The following EFCAB8 variants were observed in gnomAD, a reference collection of about 807,000 sequenced individuals.
EFCAB8 encodes EF-hand calcium binding domain 8.
Under a neutral mutation model 116.3 loss-of-function variants are expected in EFCAB8, and 100 were observed. That is an observed-to-expected ratio of 0.86 (90% CI 0.73 to 1.02). EFCAB8 has a LOEUF of 1.02. Among genes scored for constraint, EFCAB8 ranks in the 50% least tolerant of loss-of-function variants. The pLI, the probability that EFCAB8 is intolerant of heterozygous loss-of-function variation, is 0.00. For synonymous variants in EFCAB8, 558 were observed against 567.9 expected (o/e 0.98, Z 0.25); for missense variants, 1,320 against 1,416.9 (o/e 0.93, Z 1.10).
intron 7 of EFCAB8, among the ~76,000 whole-genome samples, 199 bp from the exon 8 acceptor site, chr20:32,892,014 A>T (rs575603106): frequency 5.3e-5 from 8 of 151,958 alleles, no homozygotes; most frequent in Admixed American, 3.3e-4. Context: ...TTCCAGCTGC[A>T]GTTGGAAGCC....
intron 22 of EFCAB8, among the ~76,000 whole-genome samples, chr20:32,935,970 G>T: frequency 6.6e-6 from 1 of 151,786 alleles, no homozygotes; most frequent in South Asian, 2.1e-4. Context: ...CTGTCCAAAA[G>T]CTTTGTATCT....
rs764711449 is a variant in EFCAB8, at chr20:32,960,119, G to A, written c.3351G>A (p.Arg1117=). ...CCAAGGAACGCTTGCAGAATACCAG[G>A]TTCCTGTCCACCAGGGTGCCATATG... ...YKPKERLQNT[R]FLSTRVPYGW... The change falls in exon 26 of 27, where the codon AGG becomes AGA. Residue 1117 remains arginine, a synonymous_variant. Coordinates refer to ENST00000400522, the MANE Select transcript of EFCAB8 (RefSeq NM_001143967.2). 1.3e-6 allele frequency: 2 copies of A among 1,551,716 alleles called. No homozygotes were observed. The highest frequency in any genetic ancestry group is 2.0e-5 in the Admixed American group (1 of 51,010).
intron 11 of EFCAB8, among the ~76,000 whole-genome samples, chr20:32,903,913 C>G (rs890591869): frequency 1.3e-5 from 2 of 152,128 alleles, no homozygotes; most frequent in Non-Finnish European, 2.9e-5. Flanking sequence ...GGCTTAGGCC[C>G]CCCGGGAGTG....
chr20:32,931,393 C>G (rs558726586), intron 22 of EFCAB8, 57 bp downstream of exon 22: 1 of 1,457,612 alleles, frequency 6.9e-7, no homozygotes, highest in East Asian at 2.5e-5. Flanking sequence ...CACAAATGAG[C>G]TAGGACCATA....
chr20:32,899,845 A>G (rs1451815385), intron 11 of EFCAB8, among the ~76,000 whole-genome samples: 1 of 152,022 alleles, frequency 6.6e-6, no homozygotes, highest in African/African-American at 2.4e-5. Flanking sequence ...AAGTGCTGGG[A>G]TTGCAGGCAC....
intron 22 of EFCAB8, among the ~76,000 whole-genome samples, chr20:32,942,020 T>C (rs1045986771): frequency 6.6e-6 from 1 of 152,194 alleles, no homozygotes; most frequent in Non-Finnish European, 1.5e-5. Flanking sequence ...TTTAAGGCCT[T>C]TAATGTATAC....
At chr20:32,960,445 G>A (rs193228612) in intron 26 of EFCAB8, among the ~76,000 whole-genome samples, 1 of 152,350 alleles carries the variant, frequency 6.6e-6, no homozygotes, top group Non-Finnish European at 1.5e-5. Flanking sequence ...CCTGTCTATA[G>A]CCTCCAAGCA....
At chr20:32,873,694 C>T (rs1162015451) in intron 3 of EFCAB8, among the ~76,000 whole-genome samples, 9 of 151,424 alleles carry the variant, frequency 5.9e-5, no homozygotes, top group Non-Finnish European at 1.3e-4. Flanking sequence ...GAAACCCCAT[C>T]TCTACTAAAA....
In EFCAB8 at chr20:32,898,326, C is replaced by G. The variant is rs1986262662; in HGVS notation, c.958-167C>G. ...AGATGGCCAGTGCTGGTCATAGGAC[C>G]TGGGCTAGGATTGCGGGGCCACATC... On this transcript the variant is annotated intron_variant, in intron 10 of 26. Transcript: ENST00000400522. The G allele has an allele frequency of 4.6e-5, 26 of 561,934 alleles. No individual in the cohort carries two copies. In the South Asian group the frequency reaches 6.1e-4, roughly 13 times the overall value. The allele number at this position is 561,934 out of a possible 1,614,324, so 34.8% of individuals were successfully genotyped here.
At chr20:32,908,455 G>T in intron 14 of EFCAB8, 43 bp downstream of exon 14, 1 of 1,249,540 alleles carries the variant, frequency 8.0e-7, no homozygotes, top group Non-Finnish European at 1.0e-6. Flanking sequence ...GGCCGCAGGT[G>T]GAGGGCCAGG....
intron 14 of EFCAB8, 147 bp downstream of exon 14, chr20:32,908,559 G>T: frequency 1.1e-6 from 1 of 887,592 alleles, no homozygotes; most frequent in Non-Finnish European, 1.5e-6. Context: ...CCTGTGAGGG[G>T]CCGTGTCTTG....
intron 11 of EFCAB8, among the ~76,000 whole-genome samples, chr20:32,900,111 G>A (rs1268187134): frequency 6.6e-6 from 1 of 152,142 alleles, no homozygotes; most frequent in Non-Finnish European, 1.5e-5. Context: ...GCCTGTATTG[G>A]GGAGAGACTG....
chr20:32,918,858 C>G (rs533184157), intron 19 of EFCAB8, among the ~76,000 whole-genome samples: 2 of 152,302 alleles, frequency 1.3e-5, no homozygotes, highest in South Asian at 4.1e-4. Flanking sequence ...GAACACAACC[C>G]TGAAAACCTA....
Position 32,893,248 on chromosome 20 carries a change from T to G in EFCAB8, c.833T>G (p.Met278Arg). 6.4e-7 allele frequency: 1 copy of G among 1,552,004 alleles called. No individual in the cohort carries two copies. The highest frequency in any genetic ancestry group is 1.2e-5 in the South Asian group (1 of 84,064). Residue 278 changes from methionine (M) to arginine (R), a missense_variant, in exon 9 of 27, where the codon ATG (methionine) becomes AGG (arginine). By Grantham distance (91) the Met-to-Arg change is moderately conservative (BLOSUM62 -1). Coordinates refer to ENST00000400522, the MANE Select transcript of EFCAB8 (RefSeq NM_001143967.2). ...GNVIVFTSEN[M>R]TSGLFNPRIL... ...GTCATTGTCTTCACCTCCGAAAACA[T>G]GACCAGTGGGCTGTTCAACCCCCGT...
rs549667188 is a variant in EFCAB8, at chr20:32,922,356, T to G, written c.2412+2141T>G. Among the ~76,000 whole-genome samples the G allele has an allele frequency of 8.5e-5, 13 of 152,298 alleles. No homozygotes were observed. The South Asian group carries it at 2.5e-3, about 29-fold the overall frequency. Reference sequence around the variant, plus strand: ...CCAACAGATCCCATCTCTTTAAATCTGTGAAGTCAAGGTAGATGGCTCAAA... The same window carrying G: ...CCAACAGATCCCATCTCTTTAAATCGGTGAAGTCAAGGTAGATGGCTCAAA... On this transcript the variant is annotated intron_variant, in intron 20 of 26. Transcript: ENST00000400522.
At position 32,918,571 on chromosome 20, in the gene EFCAB8, G is replaced by A. The variant is rs1987305989; in HGVS notation, c.2271G>A (p.Gln757=). The change falls in exon 19 of 27, where the codon CAG becomes CAA. Residue 757 remains glutamine (Q), a synonymous_variant. Transcript: ENST00000400522. ...RDKEPDRPVP[Q]QKPSSASGTS... Reference sequence around the variant, plus strand: ...AGGAGCCAGACAGGCCTGTGCCCCAGCAGGTGGGAGCGAGAGCCCAACCAG... The same window carrying A: ...AGGAGCCAGACAGGCCTGTGCCCCAACAGGTGGGAGCGAGAGCCCAACCAG... 1 of 1,551,366 alleles carries A rather than the reference G, an allele frequency of 6.4e-7. No homozygotes were observed. The highest frequency in any genetic ancestry group is 8.7e-7 in the Non-Finnish European group (1 of 1,146,944).
chr20:32,932,714 T>C (rs1229983008), intron 22 of EFCAB8, among the ~76,000 whole-genome samples: 1 of 152,186 alleles, frequency 6.6e-6, no homozygotes. Flanking sequence ...TAAGGTAAAT[T>C]TGTCTTTAAA....
At chr20:32,939,152 TTTC>T in intron 22 of EFCAB8, among the ~76,000 whole-genome samples, 1 of 80,430 alleles carries the variant, frequency 1.2e-5, no homozygotes, top group Admixed American at 1.1e-4. Context: ...TCTTTCTTTC[TTTC>T]TTTCTTTCTT....
chr20:32,893,174 G>A lies in EFCAB8; in HGVS notation c.759G>A (p.Trp253Ter). ...LDSCALVMDY[W>*]SDYHRGVFCY... ...CTCTTCCGTCTCCATCTTTCTGCAG[G>A]TCTGACTATCACAGAGGTGTGTTCT... Residue 253 changes from tryptophan (W) to a stop codon, truncating the protein, a stop_gained and splice_region_variant, in exon 9 of 27, where the codon TGG (tryptophan) becomes TGA (stop). Transcript: ENST00000400522. LOFTEE classifies it high-confidence loss of function. The A allele has an allele frequency of 6.4e-7, 1 of 1,551,854 alleles. No homozygotes were observed. Among genetic ancestry groups the A allele is most frequent in the Non-Finnish European group, 8.7e-7 (1 of 1,146,990 alleles).
Sources: allele counts gnomAD v4.1 joint callset (sites outside exome capture counted in the v4.1 genomes callset), GRCh38; gene constraint gnomAD v4.1.1; transcripts MANE v1.5; gene names NCBI Gene and HGNC (gene_info 2026-07-23, HGNC 2026-07-21).